The following DOCK2 variants were observed in gnomAD, a reference collection of about 807,000 sequenced individuals.
The protein encoded by DOCK2 is dedicator of cytokinesis protein 2.
Under a neutral mutation model 248.9 loss-of-function variants are expected in DOCK2, and 87 were observed. That is an observed-to-expected ratio of 0.35 (90% confidence interval 0.29 to 0.42). DOCK2 has a LOEUF of 0.42. Among genes scored for constraint, DOCK2 ranks in the 10% least tolerant of loss-of-function variants. The pLI is 1.00. For missense variants in DOCK2, 1,747 were observed against 2,300.2 expected (o/e 0.76, Z 4.92); for synonymous variants, 805 against 821.6 (o/e 0.98, Z 0.35).
At chr5:169,784,950 C>A (rs1765904983) in intron 25 of DOCK2, among the ~76,000 whole-genome samples, 1 of 152,196 alleles carries the variant, frequency 6.6e-6, no homozygotes, top group Non-Finnish European at 1.5e-5. Flanking sequence ...TTGGAAAATA[C>A]TTGACTGGAT....
intron 21 of DOCK2, among the ~76,000 whole-genome samples, chr5:169,718,407 T>C (rs1354490986): frequency 1.3e-5 from 2 of 152,224 alleles, no homozygotes; most frequent in East Asian, 3.8e-4. Flanking sequence ...TGTGACTAGT[T>C]CTCCTAGTCA....
intron 26 of DOCK2, among the ~76,000 whole-genome samples, chr5:169,827,378 G>A (rs541973870): frequency 1.1e-4 from 17 of 152,290 alleles, no homozygotes; most frequent in African/African-American, 3.6e-4. Context: ...ACTGCTTCTA[G>A]ATGCTGCATA....
At chr5:169,990,314 G>C (rs964191582) in intron 29 of DOCK2, among the ~76,000 whole-genome samples, 20 of 152,128 alleles carry the variant, frequency 1.3e-4, no homozygotes, top group African/African-American at 4.8e-4. Context: ...GGCCAGGCTA[G>C]TCTCGAACTC....
At chr5:169,675,709 G>A (rs1272965960) in intron 6 of DOCK2, among the ~76,000 whole-genome samples, 2 of 152,202 alleles carry the variant, frequency 1.3e-5, no homozygotes, top group Non-Finnish European at 2.9e-5. Flanking sequence ...TGGGTCTGAA[G>A]GCTGGAACAC....
At chr5:169,838,872 G>A (rs983957366) in intron 26 of DOCK2, among the ~76,000 whole-genome samples, 1 of 152,184 alleles carries the variant, frequency 6.6e-6, no homozygotes, top group Non-Finnish European at 1.5e-5. Flanking sequence ...ATCTCCGGAT[G>A]CCAAAAGCCA....
At chr5:169,661,679 CT>C (rs557795329) in intron 2 of DOCK2, among the ~76,000 whole-genome samples, 13 of 151,930 alleles carry the variant, frequency 8.6e-5, no homozygotes, top group Admixed American at 5.2e-4. Context: ...ATATTTGACT[CT>C]TTTTTTTGTT....
chr5:169,727,791 A>AT (rs1257492060), intron 22 of DOCK2, among the ~76,000 whole-genome samples: 2 of 152,208 alleles, frequency 1.3e-5, no homozygotes, highest in East Asian at 3.9e-4. Context: ...GAAAAAAAAA[A>AT]TTTTTTTCTC....
chr5:169,955,766 A>T (rs1776841449), intron 27 of DOCK2, among the ~76,000 whole-genome samples: 1 of 152,144 alleles, frequency 6.6e-6, no homozygotes, highest in Admixed American at 6.5e-5. Context: ...GCACTAAGAA[A>T]TCCTGCCTCC....
chr5:169,925,191 G>A (rs1226538879), intron 27 of DOCK2, among the ~76,000 whole-genome samples: 1 of 152,172 alleles, frequency 6.6e-6, no homozygotes, highest in Admixed American at 6.5e-5. Context: ...GTAGGGAGCT[G>A]AGGACTAGTT....
chr5:169,743,166 G>T (rs578147208), intron 22 of DOCK2, among the ~76,000 whole-genome samples: 1 of 152,210 alleles, frequency 6.6e-6, no homozygotes, highest in African/African-American at 2.4e-5. Context: ...CTTTTCAAGG[G>T]GGGGTCCCAC....
intron 32 of DOCK2, among the ~76,000 whole-genome samples, chr5:170,010,547 A>G (rs1371446806): frequency 6.6e-6 from 1 of 152,216 alleles, no homozygotes; most frequent in Non-Finnish European, 1.5e-5. Context: ...CTCTCCAGTT[A>G]ATAGCTGTCC....
chr5:169,739,503 T>G lies in DOCK2; in HGVS notation c.2268-7893T>G, dbSNP rs181224354. Among the ~76,000 whole-genome samples the G allele has an allele frequency of 2.8e-3, 431 of 152,296 alleles. 1 individual carries two copies. The highest frequency in any genetic ancestry group is 0.01 in the African/African-American group (420 of 41,552). The stretch of plus-strand genomic sequence containing the variant: ...TTTTAAAGTTAAATGAAAATTTCAC[T>G]TGTGTTTAAAAATCAGAATATAAAA... On this transcript the variant is annotated intron_variant, in intron 22 of 51. Transcript: ENST00000520908.
intron 22 of DOCK2, among the ~76,000 whole-genome samples, chr5:169,721,091 G>A (rs1370397284): frequency 6.6e-6 from 1 of 152,226 alleles, no homozygotes; most frequent in Non-Finnish European, 1.5e-5. Flanking sequence ...AAATACATTT[G>A]TGCATTTGTT....
intron 27 of DOCK2, among the ~76,000 whole-genome samples, chr5:169,904,388 A>C (rs1196595256): frequency 6.6e-6 from 1 of 152,176 alleles, no homozygotes; most frequent in Admixed American, 6.5e-5. Context: ...GTTCTCTCTA[A>C]ATCACCTACC....
intron 27 of DOCK2, among the ~76,000 whole-genome samples, chr5:169,899,896 G>A (rs1008390484): frequency 6.6e-6 from 1 of 152,074 alleles, no homozygotes; most frequent in Non-Finnish European, 1.5e-5. Flanking sequence ...ATGCTATCAG[G>A]CATCTGCCCT....
intron 27 of DOCK2, among the ~76,000 whole-genome samples, chr5:169,957,330 T>C (rs1229141816): frequency 1.9e-4 from 29 of 152,248 alleles, no homozygotes; most frequent in Admixed American, 1.9e-3. Flanking sequence ...GTTCCTACTT[T>C]GTAGGATTGT....
chr5:169,681,642 T>TC, intron 6 of DOCK2, 102 bp from the exon 7 acceptor site: 4 of 1,452,226 alleles, frequency 2.8e-6, no homozygotes, highest in South Asian at 1.3e-5. Context: ...TATGTGACTA[T>TC]ATGACCCCCA....
At chr5:169,835,955 C>T (rs1253770783) in intron 26 of DOCK2, among the ~76,000 whole-genome samples, 1 of 152,074 alleles carries the variant, frequency 6.6e-6, no homozygotes, top group Non-Finnish European at 1.5e-5. Flanking sequence ...GGGATTTCGC[C>T]CTGTTGCCCA....
intron 28 of DOCK2, among the ~76,000 whole-genome samples, chr5:169,983,445 G>A (rs1157115827): frequency 2.6e-5 from 4 of 152,186 alleles, no homozygotes; most frequent in African/African-American, 7.2e-5. Flanking sequence ...TGGGGATAAT[G>A]TCATTTATGT....
Sources: gnomAD v4.1 joint callset for allele counts (sites outside exome capture counted in the v4.1 genomes callset) on GRCh38, gnomAD v4.1.1 for gene constraint, MANE v1.5 for transcripts, NCBI Gene and HGNC (gene_info 2026-07-23, HGNC 2026-07-21) for gene names.